PYGO1: variants seen among roughly 807,000 people sequenced by gnomAD.
PYGO1 encodes the protein pygopus homolog 1.
PYGO1 carries 6 observed loss-of-function variants against 29.5 expected under a neutral mutation model. The observed-to-expected ratio is 0.20, with a 90% CI of 0.11 to 0.40. PYGO1 has a LOEUF of 0.40. Among genes scored for constraint, PYGO1 ranks in the 10% least tolerant of loss-of-function variants. PYGO1 has a pLI of 1.00. For synonymous variants in PYGO1, 186 were observed against 180.5 expected, an observed-to-expected ratio of 1.03 and a Z score of -0.24; for missense variants, 515 against 514.9, an observed-to-expected ratio of 1.00 and a Z score of 0.00.
chr15:55,573,252 G>A (rs533347482), intron 1 of PYGO1, among the ~76,000 whole-genome samples: 1 of 152,120 alleles, frequency 6.6e-6, no homozygotes, highest in South Asian at 2.1e-4. Flanking sequence ...GTTGCAGTGA[G>A]CCAAGACTGT....
At chr15:55,577,255 A>G (rs982758808) in intron 1 of PYGO1, among the ~76,000 whole-genome samples, 6 of 152,168 alleles carry the variant, frequency 3.9e-5, no homozygotes, top group Non-Finnish European at 7.3e-5. Context: ...AAAAGAATGC[A>G]AACTTTTGTC....
At chr15:55,574,557 T>C (rs1231818021) in intron 1 of PYGO1, among the ~76,000 whole-genome samples, 2 of 152,212 alleles carry the variant, frequency 1.3e-5, no homozygotes, top group African/African-American at 4.8e-5. Flanking sequence ...ATTTCTAGGC[T>C]ATAGGGTTCA....
intron 1 of PYGO1, among the ~76,000 whole-genome samples, chr15:55,564,410 A>AG (rs2058946421): frequency 6.6e-6 from 1 of 152,242 alleles, no homozygotes; most frequent in South Asian, 2.1e-4. Context: ...ACAGACCACT[A>AG]GGAAAGGGAG....
At chr15:55,553,216 A>C (rs1017800009) in intron 1 of PYGO1, among the ~76,000 whole-genome samples, 6 of 152,066 alleles carry the variant, frequency 3.9e-5, no homozygotes, top group African/African-American at 1.4e-4. Flanking sequence ...GCAGGGTTAT[A>C]CAAGCAGAAC....
chr15:55,551,239 C>A (rs926603763), intron 1 of PYGO1, among the ~76,000 whole-genome samples: 1 of 152,156 alleles, frequency 6.6e-6, no homozygotes, highest in East Asian at 1.9e-4. Flanking sequence ...TTTTGCAAGG[C>A]TGCTCCATAA....
chr15:55,581,153 T>C lies in PYGO1; in HGVS notation c.49+6682A>G, dbSNP rs937682116. On this transcript the variant is annotated intron_variant, in intron 1 of 2. Coordinates refer to ENST00000563719, the MANE Select transcript of PYGO1 (RefSeq NM_001367806.1). The stretch of plus-strand genomic sequence containing the variant: ...AACATAAGGAACTCCCACCTAATCT[T>C]GGCTGAGTGGGGAGCTCAGGAAAAC... 5.3e-5 allele frequency among the ~76,000 whole-genome samples: 8 copies of C among 152,282 alleles called. No homozygotes were observed. The South Asian group carries it at 1.4e-3, about 28-fold the overall frequency.
chr15:55,580,059 G>T (rs2059019349), intron 1 of PYGO1, among the ~76,000 whole-genome samples: 1 of 152,150 alleles, frequency 6.6e-6, no homozygotes, highest in African/African-American at 2.4e-5. Context: ...GTAAAGCTTA[G>T]GAGAGTAGGT....
chr15:55,580,672 C>T (rs2059021468), intron 1 of PYGO1, among the ~76,000 whole-genome samples: 1 of 152,182 alleles, frequency 6.6e-6, no homozygotes, highest in South Asian at 2.1e-4. Flanking sequence ...AAAACCTTGG[C>T]AGTCAGGCTC....
At chr15:55,584,243 A>C (rs1227686869) in intron 1 of PYGO1, among the ~76,000 whole-genome samples, 1 of 150,496 alleles carries the variant, frequency 6.6e-6, no homozygotes, top group East Asian at 2.0e-4. Context: ...TCAGCCTCCC[A>C]CGTAGCTAAG....
intron 1 of PYGO1, among the ~76,000 whole-genome samples, chr15:55,568,900 T>G (rs1286061163): frequency 2.6e-5 from 4 of 152,212 alleles, no homozygotes; most frequent in African/African-American, 4.8e-5. Flanking sequence ...ACTTATTGAT[T>G]TGCTTATGTT....
chr15:55,559,669 T>C (rs1173675017), intron 1 of PYGO1, among the ~76,000 whole-genome samples: 2 of 152,138 alleles, frequency 1.3e-5, no homozygotes, highest in Admixed American at 1.3e-4. Flanking sequence ...AAGGAGGGAC[T>C]CCTCCCTAAC....
intron 1 of PYGO1, among the ~76,000 whole-genome samples, chr15:55,576,652 T>A (rs1257526098): frequency 6.7e-6 from 1 of 148,910 alleles, no homozygotes; most frequent in East Asian, 2.0e-4. Flanking sequence ...GTGCCTGTAA[T>A]CCCAGCTACT....
Position 55,546,917 on chromosome 15 carries a change from G to A in PYGO1, c.366C>T (p.Tyr122=), listed in dbSNP as rs149582531. The change falls in exon 3 of 3, where the codon TAC becomes TAT. Residue 122 remains tyrosine (Y), a synonymous_variant. Transcript: ENST00000563719. ...PRMSSPYCGP[Y]SLRNQPHPFP... The stretch of plus-strand genomic sequence containing the variant: ...ATGGGTGTGGCTGGTTCCTGAGTGA[G>A]TAAGGACCACAGTATGGGGAAGACA... 3 of 1,613,990 alleles carry A rather than the reference G, an allele frequency of 1.9e-6. No individual in the cohort carries two copies. The highest frequency in any genetic ancestry group is 1.3e-5 in the African/African-American group (1 of 74,910).
At chr15:55,547,406 TCAAAAACCAAAAGTAGTTAA>T (rs1378540983) in intron 2 of PYGO1, among the ~76,000 whole-genome samples, 1 of 152,208 alleles carries the variant, frequency 6.6e-6, no homozygotes, top group African/African-American at 2.4e-5. Flanking sequence ...CATTGTAACT[TCAAAAACCAAAAGTAGTTAA>T]CTTTCAAAAG....
In PYGO1 at chr15:55,539,165, A is replaced by G. The variant is rs2141635661; in HGVS notation, c.*6858T>C. The G allele has an allele frequency of 6.6e-6, 1 of 152,352 alleles. No individual in the cohort carries two copies. Among genetic ancestry groups the G allele is most frequent in the Admixed American group, 6.5e-5 (1 of 15,306 alleles). The allele number at this position is 152,352 out of a possible 1,614,324, so 9.4% of individuals were successfully genotyped here. A position where few individuals can be genotyped will look rare whatever the true frequency, so the allele number is the denominator to read the frequency against. ...GAATAAAAAAACTAAAATGTAGATG[A>G]CAAATTAAACTCTTCCAATTTTAAA... On this transcript the variant is annotated 3_prime_UTR_variant, in exon 3 of 3. Coordinates refer to ENST00000563719, the MANE Select transcript of PYGO1 (RefSeq NM_001367806.1).
At chr15:55,571,743 C>A (rs370405162) in intron 1 of PYGO1, among the ~76,000 whole-genome samples, 17 of 152,052 alleles carry the variant, frequency 1.1e-4, no homozygotes, top group Admixed American at 9.2e-4. Flanking sequence ...TTATCAGCAG[C>A]GTGAAAATCA....
Position 55,546,821 on chromosome 15 carries a change from T to G in PYGO1, c.462A>C (p.Ser154=). The stretch of plus-strand genomic sequence containing the variant: ...TATTATAAGATGGATTACCGAAACT[T>G]GAATTATCATGTGGCCCAAAGTTAA... ...HAFNFGPHDN[S]SFGNPSYNNA... is the part of the protein sequence containing the mutation. The change falls in exon 3 of 3, where the codon TCA becomes TCC. Residue 154 remains serine (S), a synonymous_variant. Transcript: ENST00000563719. 1 of 1,614,008 alleles carries G rather than the reference T, an allele frequency of 6.2e-7. No homozygotes were observed. Among genetic ancestry groups the G allele is most frequent in the Non-Finnish European group, 8.5e-7 (1 of 1,179,928 alleles).
intron 1 of PYGO1, among the ~76,000 whole-genome samples, chr15:55,575,255 G>C (rs1178535643): frequency 6.6e-6 from 1 of 152,150 alleles, no homozygotes; most frequent in East Asian, 1.9e-4. Context: ...TTCTGATTGA[G>C]TAGTTCTGGG....
intron 1 of PYGO1, among the ~76,000 whole-genome samples, chr15:55,568,205 G>A (rs781332880): frequency 2.0e-5 from 3 of 152,096 alleles, no homozygotes; most frequent in African/African-American, 4.8e-5. Context: ...TTCAATTCAT[G>A]AGCATAGAAT....
Sources: gnomAD v4.1 joint callset for allele counts (sites outside exome capture counted in the v4.1 genomes callset) on GRCh38, gnomAD v4.1.1 for gene constraint, MANE v1.5 for transcripts, NCBI Gene and HGNC (gene_info 2026-07-23, HGNC 2026-07-21) for gene names.